The following MICU3 variants were observed in gnomAD, a reference collection of about 807,000 sequenced individuals.
MICU3 encodes the protein calcium uptake protein 3, mitochondrial.
Under a neutral mutation model 66.5 loss-of-function variants are expected in MICU3, and 62 were observed. That is an observed-to-expected ratio of 0.93 (90% confidence interval 0.76 to 1.15). The LOEUF (loss-of-function observed/expected upper bound fraction) is 1.15, where lower values mean the gene tolerates loss of function less well. Ranked by LOEUF, MICU3 falls within the 50% of genes most tolerant of loss-of-function variation. MICU3 has a pLI of 0.00. For synonymous variants in MICU3, 308 were observed against 240.7 expected, an observed-to-expected ratio of 1.28 and a Z score of -2.59; for missense variants, 779 against 664.4, an observed-to-expected ratio of 1.17 and a Z score of -1.90.
At chr8:17,071,057 T>G (rs1819513623) in intron 3 of MICU3, among the ~76,000 whole-genome samples, 1 of 152,106 alleles carries the variant, frequency 6.6e-6, no homozygotes, top group East Asian at 1.9e-4. Flanking sequence ...TTTTGGAACT[T>G]TCTATTTAAT....
rs369768353 is a variant in MICU3 at position 17,098,584 on chromosome 8, C to G, written c.984+31C>G. ...ATTAAACCTCAACAAGGTCCTTGTA[C>G]TATTTGCCATCTTGTTAATCTAGTC... On this transcript the variant is annotated intron_variant, in intron 9 of 14. Transcript: ENST00000318063. 9.1e-5 allele frequency: 124 copies of G among 1,368,100 alleles called. 1 individual carries two copies. The African/African-American group carries it at 1.5e-3, about 16-fold the overall frequency. The allele number at this position is 1,368,100 out of a possible 1,614,324, so 84.7% of individuals were successfully genotyped here.
intron 8 of MICU3, among the ~76,000 whole-genome samples, chr8:17,091,186 A>T (rs1800009894): frequency 6.6e-6 from 1 of 152,120 alleles, no homozygotes; most frequent in Middle Eastern, 3.2e-3. Context: ...AAAATTGAGA[A>T]TTTCTGTAGA....
chr8:17,087,436 T>C (rs1799591545), intron 7 of MICU3, among the ~76,000 whole-genome samples: 1 of 152,004 alleles, frequency 6.6e-6, no homozygotes, highest in Non-Finnish European at 1.5e-5. Context: ...GGAGATGATA[T>C]GTTTTCTTGC....
At chr8:17,136,349 A>T in the MICU3 span, among the ~76,000 whole-genome samples, 1 of 152,120 alleles carries the variant, frequency 6.6e-6, no homozygotes, top group Non-Finnish European at 1.5e-5. Context: ...TTGTTTGCTT[A>T]TACCTATCTC....
intron 11 of MICU3, 116 bp downstream of exon 11, chr8:17,105,700 T>G: frequency 3.7e-6 from 2 of 538,028 alleles, no homozygotes; most frequent in Non-Finnish European, 6.3e-6. Flanking sequence ...ATATCTTGGA[T>G]GTGTTTCATT....
At chr8:17,117,984 A>AT (rs1384599286) in intron 13 of MICU3, among the ~76,000 whole-genome samples, 1 of 152,330 alleles carries the variant, frequency 6.6e-6, no homozygotes, top group East Asian at 1.9e-4. Flanking sequence ...ATTTTTAAAG[A>AT]TTTTTAATGA....
At chr8:17,116,978 AT>A (rs1802746347) in intron 13 of MICU3, among the ~76,000 whole-genome samples, 1 of 151,978 alleles carries the variant, frequency 6.6e-6, no homozygotes, top group Admixed American at 6.6e-5. Context: ...TTTTAATTTA[AT>A]TTTATTTATT....
chr8:17,126,597 A>T (rs1388348360), downstream of MICU3, among the ~76,000 whole-genome samples: 1 of 152,178 alleles, frequency 6.6e-6, no homozygotes, highest in African/African-American at 2.4e-5. Flanking sequence ...CTATTAGAGT[A>T]TTGTTAGCAT....
chr8:17,062,704 A>G (rs1043227898), intron 1 of MICU3, among the ~76,000 whole-genome samples: 4 of 152,170 alleles, frequency 2.6e-5, no homozygotes, highest in East Asian at 3.9e-4. Flanking sequence ...GTAAATTGCT[A>G]TAAACTCCAT....
rs781594399 is a variant in MICU3, at chr8:17,081,692, G to T, written c.647-1G>T. The T allele has an allele frequency of 1.2e-6, 1 of 857,320 alleles. No homozygotes were observed. 53.1% of individuals were successfully genotyped at this position (857,320 alleles called of 1,614,324 possible). On this transcript the variant is annotated splice_acceptor_variant, in intron 4 of 14. Transcript: ENST00000318063. LOFTEE classifies it high-confidence loss of function. ...TATAACTGATACTATTTTTCTTGTA[G>T]GTGTGATTTCTTACACAGAATATCT...
At chr8:17,098,772 T>C (rs1800995247) in intron 9 of MICU3, among the ~76,000 whole-genome samples, 1 of 151,740 alleles carries the variant, frequency 6.6e-6, no homozygotes, top group South Asian at 2.1e-4. Flanking sequence ...AACTTAAGGA[T>C]CACTTTCTAG....
At chr8:17,090,605 G>A (rs1266024877) in intron 8 of MICU3, 21 bp downstream of exon 8, 3 of 1,566,714 alleles carry the variant, frequency 1.9e-6, no homozygotes, top group Admixed American at 1.8e-5. Flanking sequence ...TACTTTAAAT[G>A]TTCTTTATGT....
At chr8:17,055,794 A>G (rs1370942529) in intron 1 of MICU3, among the ~76,000 whole-genome samples, 3 of 152,216 alleles carry the variant, frequency 2.0e-5, no homozygotes, top group Non-Finnish European at 2.9e-5. Flanking sequence ...AGAAAGACAC[A>G]CACTTGTGTT....
chr8:17,027,963 A>G (rs1363659958), intron 1 of MICU3, among the ~76,000 whole-genome samples: 1 of 152,196 alleles, frequency 6.6e-6, no homozygotes, highest in Admixed American at 6.5e-5. Context: ...AATGAAGGCC[A>G]TGACAGGCAG....
chr8:17,104,353 T>C lies in MICU3; in HGVS notation c.985-38T>C, dbSNP rs1008168502. The C allele has an allele frequency of 2.7e-6, 3 of 1,091,844 alleles. No homozygotes were observed. The African/African-American group carries it at 4.8e-5, about 18-fold the overall frequency. The allele number at this position is 1,091,844 out of a possible 1,614,324, so 67.6% of individuals were successfully genotyped here. ...TTGGGTATCCCTATTCTGTTTCTTT[T>C]ATTGAAGCTAACTTTTAAATTGTGA... On this transcript the variant is annotated intron_variant, in intron 9 of 14. Transcript: ENST00000318063.
chr8:17,105,406 G>A lies in MICU3; in HGVS notation c.1086-7G>A. On this transcript the variant is annotated splice_polypyrimidine_tract_variant and splice_region_variant and intron_variant, in intron 10 of 14. Coordinates refer to ENST00000318063, the MANE Select transcript of MICU3 (RefSeq NM_181723.3). The stretch of plus-strand genomic sequence containing the variant: ...CTTTTTCCTTCTTTATTACATTTTT[G>A]TCATAGATTCATGGATAATCTCCAA... The A allele has an allele frequency of 1.3e-6, 2 of 1,485,918 alleles. No homozygotes were observed. Among genetic ancestry groups the A allele is most frequent in the Non-Finnish European group, 1.8e-6 (2 of 1,097,322 alleles). The allele number at this position is 1,485,918 out of a possible 1,614,324, so 92.0% of individuals were successfully genotyped here. A position where few individuals can be genotyped will look rare whatever the true frequency, so the allele number is the denominator to read the frequency against.
intron 8 of MICU3, among the ~76,000 whole-genome samples, chr8:17,093,982 C>A (rs901969762): frequency 6.6e-6 from 1 of 151,944 alleles, no homozygotes; most frequent in Admixed American, 6.6e-5. Flanking sequence ...TACCACGAAT[C>A]CCCTTCATGT....
Position 17,036,162 on chromosome 8 carries a change from C to G in MICU3, c.381+8502C>G, listed in dbSNP as rs111538897. Among the ~76,000 whole-genome samples, 376 of 152,132 alleles carry G rather than the reference C, an allele frequency of 2.5e-3. 1 individual carries two copies. The highest frequency in any genetic ancestry group is 5.2e-3 in the Admixed American group (79 of 15,290). On this transcript the variant is annotated intron_variant, in intron 1 of 14. Coordinates refer to ENST00000318063, the MANE Select transcript of MICU3 (RefSeq NM_181723.3). Reference sequence around the variant, plus strand: ...TGGTGGGTTCGTGGTCTCGCTGGCTCAAGAGTGAAGCTGCAGACCTTTGCG... The same window carrying G: ...TGGTGGGTTCGTGGTCTCGCTGGCTGAAGAGTGAAGCTGCAGACCTTTGCG...
intron 1 of MICU3, among the ~76,000 whole-genome samples, chr8:17,043,477 C>G (rs1814555819): frequency 6.6e-6 from 1 of 152,156 alleles, no homozygotes; most frequent in Non-Finnish European, 1.5e-5. Context: ...TTACTATCAT[C>G]AAGCTTAAAA....
Sources: allele counts gnomAD v4.1 joint callset (sites outside exome capture counted in the v4.1 genomes callset), GRCh38; gene constraint gnomAD v4.1.1; transcripts MANE v1.5; gene names NCBI Gene and HGNC (gene_info 2026-07-23, HGNC 2026-07-21).